HPX: variants seen among roughly 807,000 people sequenced by gnomAD.
The protein encoded by HPX is hemopexin.
HPX carries 42 observed loss-of-function variants against 53.8 expected under a neutral mutation model. That is an observed-to-expected ratio of 0.78 (90% CI 0.61 to 1.01). The LOEUF is 1.01. Among genes scored for constraint, HPX ranks in the 50% least tolerant of loss-of-function variants. HPX has a pLI of 0.00. For synonymous variants in HPX, 229 were observed against 221.1 expected (o/e 1.04, Z -0.32); for missense variants, 547 against 594.3 (o/e 0.92, Z 0.83).
In HPX at chr11:6,431,687, A is replaced by C. The variant is rs746208372; in HGVS notation, c.1083T>G (p.Asp361Glu). The change falls in exon 9 of 10, where the codon GAT becomes GAG. Residue 361 changes from aspartate (D) to glutamate (E), a missense_variant. Transcript: ENST00000265983. ...AAGACCCAGGGCAGATAAAGGCCGCATCCACAGAGTCCAGGATAATCCCAT... is the reference window on the plus strand; with the variant it reads ...AAGACCCAGGGCAGATAAAGGCCGCCTCCACAGAGTCCAGGATAATCCCAT... ...TPHGIILDSV[D>E]AAFICPGSSR... The C allele has an allele frequency of 1.2e-6, 2 of 1,614,118 alleles. No individual in the cohort carries two copies. The highest frequency in any genetic ancestry group is 2.2e-5 in the South Asian group (2 of 91,078).
rs1268363943 is a variant in HPX, at chr11:6,438,466, C to G, written c.380G>C (p.Gly127Ala). ...TTCATCTTGGAGCAACTTTGGGTATCCTTTCTCCTTCTTTTCAGGAGGGTA... is the reference window on the plus strand; with the variant it reads ...TTCATCTTGGAGCAACTTTGGGTATGCTTTCTCCTTCTTTTCAGGAGGGTA... ...WVYPPEKKEK[G>A]YPKLLQDEFP... Residue 127 changes from glycine (G) to alanine (A), a missense_variant, in exon 5 of 10, where the codon GGA (glycine) becomes GCA (alanine). Gly to Ala is a moderately conservative substitution (Grantham distance 60). Coordinates refer to ENST00000265983, the MANE Select transcript of HPX (RefSeq NM_000613.3). 6.2e-7 allele frequency: 1 copy of G among 1,613,904 alleles called. No individual in the cohort carries two copies. The highest frequency in any genetic ancestry group is 8.5e-7 in the Non-Finnish European group (1 of 1,179,914).
rs760677597 is a variant in HPX at position 6,438,542 on chromosome 11, C to T, written c.337-33G>A. The T allele has an allele frequency of 1.1e-5, 18 of 1,602,218 alleles. No individual in the cohort carries two copies. In the East Asian group the frequency reaches 3.8e-4, roughly 34 times the overall value. On this transcript the variant is annotated intron_variant, in intron 4 of 9. Coordinates refer to ENST00000265983, the MANE Select transcript of HPX (RefSeq NM_000613.3). ...CAAAAGTACTCTCTTTTTGACTGTG[C>T]ATCCCCAGATACTGCCACTCTGCAT...
At chr11:6,434,488 C>A (rs1269357681) in intron 7 of HPX, among the ~76,000 whole-genome samples, 1 of 152,114 alleles carries the variant, frequency 6.6e-6, no homozygotes, top group Non-Finnish European at 1.5e-5. Context: ...TGCCACCACA[C>A]CTGGCTAATT....
At position 6,431,437 on chromosome 11, in the gene HPX, C is replaced by T; in HGVS notation, c.1163G>A (p.Gly388Glu). The change falls in exon 10 of 10, where the codon GGA becomes GAA. Residue 388 changes from glycine (G) to glutamate (E), a missense_variant. By Grantham distance (98) the Gly-to-Glu change is moderately conservative. Transcript: ENST00000265983. ...RRLWWLDLKSGAQATWTELPW... is the reference protein window; with the variant it reads ...RRLWWLDLKSEAQATWTELPW... The stretch of plus-strand genomic sequence containing the variant: ...AAGCTCTGTCCACGTGGCTTGGGCT[C>T]CTGACTTCAGGTCCAGCCACCACAG... 2 of 1,614,210 alleles carry T rather than the reference C, an allele frequency of 1.2e-6. No individual in the cohort carries two copies. Among genetic ancestry groups the T allele is most frequent in the Non-Finnish European group, 1.7e-6 (2 of 1,180,046 alleles).
chr11:6,435,498 T>C (rs543901841), intron 7 of HPX, among the ~76,000 whole-genome samples: 1 of 152,224 alleles, frequency 6.6e-6, no homozygotes, highest in South Asian at 2.1e-4. Context: ...ATGGTCTCAC[T>C]CTGTCACCCA....
In HPX at chr11:6,439,956, G is replaced by T. The variant is rs1590806251; in HGVS notation, c.336+209C>A. 8.1e-5 allele frequency: 52 copies of T among 638,074 alleles called. No individual in the cohort carries two copies. In the South Asian group the frequency reaches 8.7e-4, roughly 11 times the overall value. 39.5% of individuals were successfully genotyped at this position (638,074 alleles called of 1,614,324 possible). A position where few individuals can be genotyped will look rare whatever the true frequency, so the allele number is the denominator to read the frequency against. ...CAGAGCGGTGTAGAACTAAGACTAGGACTGAAGAACAGCCACTGGATGGTG... is the reference window on the plus strand; with the variant it reads ...CAGAGCGGTGTAGAACTAAGACTAGTACTGAAGAACAGCCACTGGATGGTG... On this transcript the variant is annotated intron_variant, in intron 4 of 9. Coordinates refer to ENST00000265983, the MANE Select transcript of HPX (RefSeq NM_000613.3).
chr11:6,440,119 G>A (rs374357540), intron 4 of HPX, 46 bp downstream of exon 4: 24 of 1,612,826 alleles, frequency 1.5e-5, no homozygotes, highest in African/African-American at 1.1e-4. Context: ...CCCCAGTGTC[G>A]ATTCCAGCCC....
Position 6,440,159 on chromosome 11 carries a change from C to A in HPX, c.336+6G>T, listed in dbSNP as rs767909483. ...CAGCCTGGCCCTGATTTTGGCCCAGCAGTACCTTGATCAGAAAGACACTGT... is the reference window on the plus strand; with the variant it reads ...CAGCCTGGCCCTGATTTTGGCCCAGAAGTACCTTGATCAGAAAGACACTGT... On this transcript the variant is annotated splice_donor_region_variant and intron_variant, in intron 4 of 9. Coordinates refer to ENST00000265983, the MANE Select transcript of HPX (RefSeq NM_000613.3). 6.2e-7 allele frequency: 1 copy of A among 1,614,074 alleles called. No homozygotes were observed. Among genetic ancestry groups the A allele is most frequent in the Non-Finnish European group, 8.5e-7 (1 of 1,180,030 alleles).
Position 6,437,472 on chromosome 11 carries a change from A to T in HPX, c.671T>A (p.Val224Asp). The T allele has an allele frequency of 6.2e-7, 1 of 1,614,042 alleles. No individual in the cohort carries two copies. The highest frequency in any genetic ancestry group is 2.2e-5 in the East Asian group (1 of 44,894). ...AGGGCAGGGCATGAAGTAGTCTCGG[A>T]CATCCCGCGGGTACCTGGGAGGCAC... ...GEVPPRYPRD[V>D]RDYFMPCPGR... Residue 224 changes from valine (V) to aspartate (D), a missense_variant, in exon 6 of 10, where the codon GTC becomes GAC. By Grantham distance (152) the Val-to-Asp change is radical. Transcript: ENST00000265983.
At chr11:6,434,971 G>A (rs1238259610) in intron 7 of HPX, among the ~76,000 whole-genome samples, 3 of 152,210 alleles carry the variant, frequency 2.0e-5, no homozygotes, top group Non-Finnish European at 4.4e-5. Flanking sequence ...GCTCATGCCT[G>A]TAATCCTAGC....
At position 6,440,521 on chromosome 11, in the gene HPX, A is replaced by G. The variant is rs1457663447; in HGVS notation, c.160T>C (p.Trp54Arg). The change falls in exon 3 of 10, where the codon TGG becomes CGG. Residue 54 changes from tryptophan (W) to arginine (R), a missense_variant. Coordinates refer to ENST00000265983, the MANE Select transcript of HPX (RefSeq NM_000613.3). ...TCCAGGGTGGTAGCATCAAAGCTCCAGCCATCTGAGCAGCGTTCTGGGGTG... is the reference window on the plus strand; with the variant it reads ...TCCAGGGTGGTAGCATCAAAGCTCCGGCCATCTGAGCAGCGTTCTGGGGTG... ...PDVTERCSDGWSFDATTLDDN... is the reference protein window; with the variant it reads ...PDVTERCSDGRSFDATTLDDN... 14 of 1,593,220 alleles carry G rather than the reference A, an allele frequency of 8.8e-6. No individual in the cohort carries two copies. The highest frequency in any genetic ancestry group is 1.7e-5 in the Admixed American group (1 of 58,394).
At chr11:6,433,170 A>ATCAT (rs1480442958) in intron 7 of HPX, among the ~76,000 whole-genome samples, 2 of 152,308 alleles carry the variant, frequency 1.3e-5, no homozygotes, top group South Asian at 2.1e-4. Flanking sequence ...TCTGACTGAT[A>ATCAT]TCATTCATTC....
At chr11:6,436,310 A>G (rs536715466) in intron 7 of HPX, among the ~76,000 whole-genome samples, 209 of 152,320 alleles carry the variant, frequency 1.4e-3, no homozygotes, top group African/African-American at 4.9e-3. Context: ...CATATATCTC[A>G]GGTTGGATGT....
intron 7 of HPX, chr11:6,432,430 C>A (rs566763236): frequency 2.2e-4 from 38 of 171,488 alleles, no homozygotes; most frequent in Non-Finnish European, 3.9e-4. Context: ...CAGTCTCTCC[C>A]TATGAGGTGG....
At chr11:6,438,087 G>A in intron 5 of HPX, 1 of 532,082 alleles carries the variant, frequency 1.9e-6, no homozygotes, top group East Asian at 3.1e-5. Flanking sequence ...AGACTTGTAT[G>A]TAAGACTAAA....
intron 4 of HPX, chr11:6,439,841 G>A: frequency 2.7e-6 from 1 of 374,842 alleles, no homozygotes; most frequent in Non-Finnish European, 5.2e-6. Flanking sequence ...AACTTGCCTT[G>A]CCCTATGAAG....
At chr11:6,431,576 T>C in intron 9 of HPX, 65 bp downstream of exon 9, 1 of 1,607,702 alleles carries the variant, frequency 6.2e-7, no homozygotes, top group Non-Finnish European at 8.5e-7. Context: ...CATGCCCTGG[T>C]GGGGATCTAT....
At chr11:6,437,008 T>A (rs1286119097) in intron 7 of HPX, 38 bp downstream of exon 7, 1 of 1,607,718 alleles carries the variant, frequency 6.2e-7, no homozygotes, top group Middle Eastern at 1.7e-4. Context: ...GTAAAAGAGA[T>A]GTGAGAGCAC....
chr11:6,440,678 CGTCTGG>C lies in HPX; in HGVS notation c.130_135del (p.Pro44_Asp45del). ...TAGGGAGTCAGGGCCTCACCAGTCA[CGTCTGG>C]GTCTGGCTTGGTCTCGCCTTCAGCA... On this transcript the variant is annotated inframe_deletion, in exon 2 of 10. Transcript: ENST00000265983. 1 of 1,612,654 alleles carries C rather than the reference CGTCTGG, an allele frequency of 6.2e-7. No homozygotes were observed. The highest frequency in any genetic ancestry group is 1.1e-5 in the South Asian group (1 of 91,014).
Sources: gnomAD v4.1 joint callset for allele counts (sites outside exome capture counted in the v4.1 genomes callset) on GRCh38, gnomAD v4.1.1 for gene constraint, MANE v1.5 for transcripts, NCBI Gene and HGNC (gene_info 2026-07-23, HGNC 2026-07-21) for gene names.